The following PITPNM2 variants were observed in gnomAD, a reference collection of about 807,000 sequenced individuals.
PITPNM2 encodes phosphatidylinositol transfer protein membrane associated 2, also known as membrane-associated phosphatidylinositol transfer protein 2.
Under a neutral mutation model 132.2 loss-of-function variants are expected in PITPNM2, and 35 were observed. That is an observed-to-expected ratio of 0.26 (90% CI 0.20 to 0.35). The LOEUF (loss-of-function observed/expected upper bound fraction) is 0.35. Ranked by LOEUF, PITPNM2 falls within the 10% of genes least tolerant of loss-of-function variation. PITPNM2 has a pLI of 1.00. For synonymous variants in PITPNM2, 738 were observed against 799.2 expected (o/e 0.92, Z 1.29); for missense variants, 1,332 against 1,912.0 (o/e 0.70, Z 5.66).
At chr12:123,039,698 C>A (rs867265656) in intron 2 of PITPNM2, among the ~76,000 whole-genome samples, 2 of 152,134 alleles carry the variant, frequency 1.3e-5, no homozygotes, top group African/African-American at 4.8e-5. Context: ...GTGTAATCTA[C>A]GGACTTAGGG....
At chr12:123,050,841 A>G (rs1007710815) in intron 2 of PITPNM2, among the ~76,000 whole-genome samples, 1 of 151,794 alleles carries the variant, frequency 6.6e-6, no homozygotes, top group Admixed American at 6.6e-5. Context: ...GACAGATCTC[A>G]TCCTTCTCCA....
chr12:122,997,393 C>A lies in PITPNM2; in HGVS notation c.1404G>T (p.Leu468=), dbSNP rs775383833. 6.2e-7 allele frequency: 1 copy of A among 1,613,496 alleles called. No homozygotes were observed. The highest frequency in any genetic ancestry group is 2.2e-5 in the East Asian group (1 of 44,878). The part of the protein sequence containing the change: ...TVMRVHYPSA[L]GRLAIRLVPC... ...GCACCAGGCGGATGGCAAGGCGGCC[C>A]AGGGCGCTGGGGTAGTGCACGCGCA... The change falls in exon 11 of 26, where the codon CTG becomes CTT. Residue 468 remains leucine, a synonymous_variant. Coordinates refer to ENST00000320201, the MANE Select transcript of PITPNM2 (RefSeq NM_020845.3).
chr12:123,079,454 A>G (rs1433597790), intron 2 of PITPNM2, among the ~76,000 whole-genome samples: 1 of 131,384 alleles, frequency 7.6e-6, no homozygotes, highest in African/African-American at 2.9e-5. Flanking sequence ...GCTCAAAACA[A>G]TTCTCCTGCC....
At chr12:123,049,166 C>A (rs1030489026) in intron 2 of PITPNM2, among the ~76,000 whole-genome samples, 2 of 149,986 alleles carry the variant, frequency 1.3e-5, no homozygotes, top group African/African-American at 4.9e-5. Context: ...ACACACACAC[C>A]CCTCCTACAA....
At chr12:123,109,956 G>A (rs1025793172) in intron 2 of PITPNM2, among the ~76,000 whole-genome samples, 1 of 152,164 alleles carries the variant, frequency 6.6e-6, no homozygotes. Flanking sequence ...GATAAAGTCA[G>A]GTTTATAGTG....
In PITPNM2 at chr12:122,986,027, C is replaced by T; in HGVS notation, c.4050G>A (p.Ter1350=). The T allele has an allele frequency of 7.1e-7, 1 of 1,398,750 alleles. No individual in the cohort carries two copies. Among genetic ancestry groups the T allele is most frequent in the South Asian group, 1.6e-5 (1 of 62,870 alleles). The allele number at this position is 1,398,750 out of a possible 1,614,324, so 86.6% of individuals were successfully genotyped here. ...GACCCCGCGCTGCACTCACGGTGCC[C>T]TACTTGGGGCCCGCGGCTGCCCCCG... ...LEPGAAAGPK[*] is the part of the protein sequence containing the mutation. Residue 1350 remains the stop codon, a stop_retained_variant, in exon 26 of 26, where the codon TAG becomes TAA. Coordinates refer to ENST00000320201, the MANE Select transcript of PITPNM2 (RefSeq NM_020845.3).
At chr12:123,020,843 C>T (rs1168225720) in intron 3 of PITPNM2, among the ~76,000 whole-genome samples, 11 of 151,512 alleles carry the variant, frequency 7.3e-5, no homozygotes. Flanking sequence ...GCCAACATGG[C>T]AAAACCCTGT....
At chr12:123,139,500 C>T (rs961448100) in intron 1 of PITPNM2, among the ~76,000 whole-genome samples, 1 of 102,582 alleles carries the variant, frequency 9.7e-6, no homozygotes, top group African/African-American at 3.6e-5. Flanking sequence ...GATTACCTCT[C>T]AAAAAAAAAA....
chr12:122,995,816 C>A (rs868264539), intron 13 of PITPNM2, among the ~76,000 whole-genome samples, 156 bp from the exon 14 acceptor site: 128 of 152,338 alleles, frequency 8.4e-4, no homozygotes, highest in African/African-American at 3.0e-3. Flanking sequence ...CCATTCCCTT[C>A]TGTCCTCCCA....
Position 123,067,301 on chromosome 12 carries a change from C to T in PITPNM2, c.-95-32616G>A, listed in dbSNP as rs151247129. ...TGAAACCCCGTCTCTACCAAAAATA[C>T]AAAAATTAGCTGGACATGGTGGCAC... On this transcript the variant is annotated intron_variant, in intron 2 of 25. Coordinates refer to ENST00000320201, the MANE Select transcript of PITPNM2 (RefSeq NM_020845.3). Among the ~76,000 whole-genome samples the T allele has an allele frequency of 2.6e-5, 4 of 152,222 alleles. No individual in the cohort carries two copies. In the East Asian group the frequency reaches 7.7e-4, roughly 29 times the overall value.
chr12:123,100,442 A>T (rs1340662678), intron 2 of PITPNM2, among the ~76,000 whole-genome samples: 1 of 152,236 alleles, frequency 6.6e-6, no homozygotes, highest in South Asian at 2.1e-4. Flanking sequence ...CCTGACCAAC[A>T]TGGTGAAACC....
chr12:123,048,165 TG>T (rs1347827636), intron 2 of PITPNM2, among the ~76,000 whole-genome samples: 2 of 146,970 alleles, frequency 1.4e-5, no homozygotes, highest in Non-Finnish European at 3.0e-5. Context: ...AAAAAAAGGG[TG>T]GGGGGAACCT....
At position 122,989,885 on chromosome 12, in the gene PITPNM2, G is replaced by GGC; in HGVS notation, c.2632_2633insGC (p.Ala878GlyfsTer82). 1.5e-5 allele frequency: 16 copies of GGC among 1,077,290 alleles called. No individual in the cohort carries two copies. Among genetic ancestry groups the GGC allele is most frequent in the Non-Finnish European group, 1.7e-5 (14 of 807,192 alleles). 66.7% of individuals were successfully genotyped at this position (1,077,290 alleles called of 1,614,324 possible). ...GGGGCCAGGGGTGGTGGGGCTGGGGGCGGGCAGGGCGAGCAGGGACAGACG... is the reference window on the plus strand; with the variant it reads ...GGGGCCAGGGGTGGTGGGGCTGGGGGGCCGGGCAGGGCGAGCAGGGACAGACG... On this transcript the variant is annotated frameshift_variant, in exon 18 of 26. Transcript: ENST00000320201. LOFTEE classifies it high-confidence loss of function.
At chr12:123,089,522 A>G (rs958100601) in intron 2 of PITPNM2, 8 of 152,212 alleles carry the variant, frequency 5.3e-5, no homozygotes, top group Non-Finnish European at 1.5e-5. Context: ...CAAGTCCTAG[A>G]GTCTCAGGGG....
At position 123,095,909 on chromosome 12, in the gene PITPNM2, A is replaced by G. The variant is rs972182919; in HGVS notation, c.-96+14476T>C. Among the ~76,000 whole-genome samples, 5 of 151,960 alleles carry G rather than the reference A, an allele frequency of 3.3e-5. No individual in the cohort carries two copies. Among genetic ancestry groups the G allele is most frequent in the African/African-American group, 1.2e-4 (5 of 41,342 alleles). The stretch of plus-strand genomic sequence containing the variant: ...CCCAGTGGCAGACCCCCCCAACCCC[A>G]CTTCCACAAGGCTTGGCACTATCGT... On this transcript the variant is annotated intron_variant, in intron 2 of 25. Coordinates refer to ENST00000320201, the MANE Select transcript of PITPNM2 (RefSeq NM_020845.3). This position sits in a 1 kb window ranked among gnomAD's most constrained non-coding sequence, Gnocchi z 5.0.
intron 3 of PITPNM2, among the ~76,000 whole-genome samples, chr12:123,016,408 T>A (rs1419589016): frequency 6.6e-6 from 1 of 151,216 alleles, no homozygotes; most frequent in African/African-American, 2.4e-5. Context: ...CTCCGCCTCC[T>A]GGGTTCAAGT....
chr12:123,007,556 A>C, intron 6 of PITPNM2: 2 of 338,610 alleles, frequency 5.9e-6, no homozygotes, highest in East Asian at 1.0e-4. Context: ...CTGCCTCCTC[A>C]CTTCCCACCC....
At position 123,022,412 on chromosome 12, in the gene PITPNM2, C is replaced by A. The variant is rs972287339; in HGVS notation, c.79-8370G>T. On this transcript the variant is annotated intron_variant, in intron 3 of 25. Transcript: ENST00000320201. The surrounding 1 kb of genome is among the most constrained non-coding windows in gnomAD (Gnocchi z 4.9). ...CACACTAGGGCTGAGACTCAGATAG[C>A]GGCCACAACTGCTCAACTGTCATTA... Among the ~76,000 whole-genome samples, 1 of 152,116 alleles carries A rather than the reference C, an allele frequency of 6.6e-6. No homozygotes were observed. Among genetic ancestry groups the A allele is most frequent in the South Asian group, 2.1e-4 (1 of 4,824 alleles).
Position 123,000,971 on chromosome 12 carries a change from G to T in PITPNM2, c.1153+83C>A. 1 of 1,523,136 alleles carries T rather than the reference G, an allele frequency of 6.6e-7. No homozygotes were observed. Among genetic ancestry groups the T allele is most frequent in the Non-Finnish European group, 9.1e-7 (1 of 1,098,014 alleles). The allele number at this position is 1,523,136 out of a possible 1,614,324, so 94.4% of individuals were successfully genotyped here. On this transcript the variant is annotated intron_variant, in intron 9 of 25. Transcript: ENST00000320201. The surrounding 1 kb of genome is among the most constrained non-coding windows in gnomAD (Gnocchi z 5.4). ...CCAACTCACATGTATGCCCAGCACT[G>T]TGCAGAAGCTGGTCAGAAAGGAGGG...
Sources: allele counts gnomAD v4.1 joint callset (sites outside exome capture counted in the v4.1 genomes callset), GRCh38; gene constraint gnomAD v4.1.1; non-coding constraint Gnocchi (gnomAD v3.1); transcripts MANE v1.5; gene names NCBI Gene and HGNC (gene_info 2026-07-23, HGNC 2026-07-21).